ALDH2: variants seen among roughly 807,000 people sequenced by gnomAD.
ALDH2 encodes aldehyde dehydrogenase 2 family member, also known as aldehyde dehydrogenase, mitochondrial.
Under a neutral mutation model 59.6 loss-of-function variants are expected in ALDH2, and 44 were observed. The ratio of observed to expected loss-of-function variants is 0.74; its 90% CI spans 0.58 to 0.95. The LOEUF (loss-of-function observed/expected upper bound fraction) is 0.95, where lower values mean the gene tolerates loss of function less well. Among genes scored for constraint, ALDH2 ranks in the 40% least tolerant of loss-of-function variants. The pLI is 0.00. For missense variants in ALDH2, 570 were observed against 696.3 expected (o/e 0.82, Z 2.04); for synonymous variants, 291 against 284.0 (o/e 1.02, Z -0.25).
intron 1 of ALDH2, among the ~76,000 whole-genome samples, chr12:111,780,639 C>G (rs1383519048): frequency 6.6e-6 from 1 of 152,180 alleles, no homozygotes; most frequent in African/African-American, 2.4e-5. Flanking sequence ...GTCACCTTCT[C>G]TGGATCCTCT....
At chr12:111,805,729 A>G (rs1431183990) in intron 12 of ALDH2, among the ~76,000 whole-genome samples, 2 of 152,220 alleles carry the variant, frequency 1.3e-5, no homozygotes, top group Non-Finnish European at 2.9e-5. Context: ...ATACCATCTT[A>G]TTAAAAACAA....
chr12:111,801,893 A>G (rs1253241317), intron 11 of ALDH2, among the ~76,000 whole-genome samples: 1 of 152,188 alleles, frequency 6.6e-6, no homozygotes, highest in Non-Finnish European at 1.5e-5. Flanking sequence ...ATGTTCTGCA[A>G]TTAGACAGTG....
chr12:111,806,490 G>A (rs767855016), intron 12 of ALDH2, among the ~76,000 whole-genome samples: 8 of 152,210 alleles, frequency 5.3e-5, no homozygotes, highest in Non-Finnish European at 1.0e-4. Flanking sequence ...AGGAGGCTCA[G>A]GGCAAGCCTG....
At position 111,783,313 on chromosome 12, in the gene ALDH2, C is replaced by A. The variant is rs1001507906; in HGVS notation, c.360+15C>A. 6.3e-7 allele frequency: 1 copy of A among 1,589,486 alleles called. No individual in the cohort carries two copies. Among genetic ancestry groups the A allele is most frequent in the Non-Finnish European group, 8.6e-7 (1 of 1,163,870 alleles). ...CCTACCTGGCGGTGAGTCCTCAGCC[C>A]TTCTCCCCCTCAGATCCCATGTGGT... On this transcript the variant is annotated intron_variant, in intron 3 of 12. Coordinates refer to ENST00000261733, the MANE Select transcript of ALDH2 (RefSeq NM_000690.4).
rs2068550412 is a variant in ALDH2, at chr12:111,813,490, T to G, written c.*3915T>G. On this transcript the variant is annotated 3_prime_UTR_variant, in exon 13 of 13. Transcript: ENST00000261733. ...ACTGGAAAGAATTGAAAACAGAGAC[T>G]CCCAACAAAAACTTGTACACGGACG... 6.6e-6 allele frequency: 1 copy of G among 152,014 alleles called. No homozygotes were observed. The highest frequency in any genetic ancestry group is 1.5e-5 in the Non-Finnish European group (1 of 68,034). 9.4% of individuals were successfully genotyped at this position (152,014 alleles called of 1,614,324 possible).
intron 7 of ALDH2, 26 bp from the exon 8 acceptor site, chr12:111,792,035 T>C: frequency 6.8e-7 from 1 of 1,481,338 alleles, no homozygotes; most frequent in Non-Finnish European, 9.4e-7. Context: ...CACTGAGAGC[T>C]TGTTCCTGTC....
intron 12 of ALDH2, among the ~76,000 whole-genome samples, chr12:111,806,635 G>T (rs2068497068): frequency 6.6e-6 from 1 of 152,180 alleles, no homozygotes; most frequent in African/African-American, 2.4e-5. Context: ...GTGTTTACTT[G>T]TTTAGTGTGG....
chr12:111,803,497 TG>T (rs2068470268), intron 11 of ALDH2, among the ~76,000 whole-genome samples: 1 of 151,730 alleles, frequency 6.6e-6, no homozygotes, highest in Non-Finnish European at 1.5e-5. Flanking sequence ...CTTAACTACT[TG>T]GGAGGCTGAG....
At chr12:111,808,239 T>C (rs1388828959) in intron 12 of ALDH2, among the ~76,000 whole-genome samples, 1 of 152,142 alleles carries the variant, frequency 6.6e-6, no homozygotes, top group African/African-American at 2.4e-5. Context: ...TTATTACTGG[T>C]CATCTAGGGC....
intron 4 of ALDH2, among the ~76,000 whole-genome samples, chr12:111,786,337 T>C (rs2068308736): frequency 6.6e-6 from 1 of 150,902 alleles, no homozygotes; most frequent in African/African-American, 2.4e-5. Flanking sequence ...CCCGGGTTCA[T>C]GCCATTCTCC....
chr12:111,791,953 G>T, intron 7 of ALDH2, 108 bp from the exon 8 acceptor site: 2 of 733,028 alleles, frequency 2.7e-6, no homozygotes, highest in Non-Finnish European at 4.8e-6. Context: ...GGTCTCTCGT[G>T]GTCCAGTTGC....
intron 1 of ALDH2, among the ~76,000 whole-genome samples, chr12:111,773,747 A>G (rs1348102966): frequency 1.3e-5 from 2 of 152,246 alleles, no homozygotes; most frequent in African/African-American, 4.8e-5. Context: ...GGACAATTGA[A>G]TAGAATTTTA....
At chr12:111,801,845 T>C (rs1456484465) in intron 11 of ALDH2, among the ~76,000 whole-genome samples, 1 of 152,156 alleles carries the variant, frequency 6.6e-6, no homozygotes, top group Non-Finnish European at 1.5e-5. Flanking sequence ...GGAGAGTGCC[T>C]GCCTCCTGGG....
At chr12:111,775,170 A>T (rs2068225965) in intron 1 of ALDH2, among the ~76,000 whole-genome samples, 1 of 152,222 alleles carries the variant, frequency 6.6e-6, no homozygotes, top group African/African-American at 2.4e-5. Context: ...ACCCCCACTT[A>T]GAAAGGACAC....
chr12:111,802,692 A>G (rs982268481), intron 11 of ALDH2, among the ~76,000 whole-genome samples: 2 of 151,012 alleles, frequency 1.3e-5, no homozygotes, highest in Non-Finnish European at 2.9e-5. Context: ...CATCCTGGCT[A>G]ACACAGTGAA....
At chr12:111,796,802 G>A (rs1472454507) in intron 9 of ALDH2, among the ~76,000 whole-genome samples, 1 of 152,068 alleles carries the variant, frequency 6.6e-6, no homozygotes, top group African/African-American at 2.4e-5. Context: ...CTACTCGGGA[G>A]ACTGAGATGA....
intron 11 of ALDH2, 65 bp from the exon 12 acceptor site, chr12:111,803,794 G>A: frequency 8.6e-7 from 1 of 1,158,196 alleles, no homozygotes. Flanking sequence ...GGCAATACAG[G>A]GGGTCCTGGG....
At chr12:111,798,722 A>G (rs1302692446) in intron 10 of ALDH2, among the ~76,000 whole-genome samples, 1 of 151,996 alleles carries the variant, frequency 6.6e-6, no homozygotes, top group African/African-American at 2.4e-5. Flanking sequence ...ATTTTTTAGT[A>G]CAGGCTGGGT....
intron 1 of ALDH2, among the ~76,000 whole-genome samples, chr12:111,769,894 C>G (rs1459481891): frequency 6.6e-6 from 1 of 151,932 alleles, no homozygotes; most frequent in Non-Finnish European, 1.5e-5. Flanking sequence ...ACCTGTAATC[C>G]CAGCATTTTG....
Sources: allele counts gnomAD v4.1 joint callset (sites outside exome capture counted in the v4.1 genomes callset), GRCh38; gene constraint gnomAD v4.1.1; transcripts MANE v1.5; gene names NCBI Gene and HGNC (gene_info 2026-07-23, HGNC 2026-07-21).